Variants in ANKS1A observed in about 807,000 individuals in gnomAD.
The protein encoded by ANKS1A is ankyrin repeat and sterile alpha motif domain containing 1A, also known as ankyrin repeat and SAM domain-containing protein 1A.
Under a neutral mutation model 120.3 loss-of-function variants are expected in ANKS1A, and 55 were observed. The ratio of observed to expected loss-of-function variants is 0.46; its 90% CI spans 0.37 to 0.57. The LOEUF (loss-of-function observed/expected upper bound fraction) is 0.57. Ranked by LOEUF, ANKS1A falls within the 20% of genes least tolerant of loss-of-function variation. ANKS1A has a pLI of 0.00. For synonymous variants in ANKS1A, 590 were observed against 604.7 expected (o/e 0.98, Z 0.36); for missense variants, 1,123 against 1,480.3 (o/e 0.76, Z 3.96).
chr6:35,003,566 G>T (rs551691539), intron 10 of ANKS1A, among the ~76,000 whole-genome samples: 1 of 152,252 alleles, frequency 6.6e-6, no homozygotes, highest in South Asian at 2.1e-4. Context: ...TTAGAAATTG[G>T]TTCCCAGCAC....
chr6:34,898,872 A>G (rs1767219002), intron 1 of ANKS1A, among the ~76,000 whole-genome samples: 1 of 152,170 alleles, frequency 6.6e-6, no homozygotes, highest in African/African-American at 2.4e-5. Context: ...TATGAATTGT[A>G]ATTAATTTAA....
In ANKS1A at chr6:35,017,746, T is replaced by C; in HGVS notation, c.1697T>C (p.Val566Ala). Residue 566 changes from valine (V) to alanine (A), a missense_variant, in exon 11 of 24, where the codon GTG (valine) becomes GCG (alanine). Physicochemically the swap from Val to Ala is moderately conservative, Grantham distance 64. Coordinates refer to ENST00000360359, the MANE Select transcript of ANKS1A (RefSeq NM_015245.3). Reference sequence around the variant, plus strand: ...AGTGCCCTGGACCAGAGCAAGAGAGTGGGCTACCTCACAGGCCTGCCCACC... The same window carrying C: ...AGTGCCCTGGACCAGAGCAAGAGAGCGGGCTACCTCACAGGCCTGCCCACC... ...QPSALDQSKR[V>A]GYLTGLPTTN... is the part of the protein sequence containing the mutation. The C allele has an allele frequency of 1.2e-6, 2 of 1,613,796 alleles. No homozygotes were observed. The highest frequency in any genetic ancestry group is 1.3e-5 in the African/African-American group (1 of 74,912).
At chr6:35,062,366 A>G (rs1351698837) in intron 13 of ANKS1A, among the ~76,000 whole-genome samples, 1 of 152,246 alleles carries the variant, frequency 6.6e-6, no homozygotes, top group African/African-American at 2.4e-5. Context: ...ATGTTTTAAC[A>G]GCCTAAAAAA....
intron 10 of ANKS1A, among the ~76,000 whole-genome samples, chr6:35,008,919 C>A (rs1327167877): frequency 6.6e-6 from 1 of 152,074 alleles, no homozygotes; most frequent in East Asian, 1.9e-4. Context: ...GCATTCCAGG[C>A]AGGAGGAGTG....
chr6:34,901,666 A>G (rs1767357008), intron 1 of ANKS1A, among the ~76,000 whole-genome samples: 1 of 152,154 alleles, frequency 6.6e-6, no homozygotes, highest in Non-Finnish European at 1.5e-5. Flanking sequence ...TCATGACACC[A>G]TGCCCGGTTA....
At chr6:34,900,302 C>T (rs1168174787) in intron 1 of ANKS1A, among the ~76,000 whole-genome samples, 1 of 152,274 alleles carries the variant, frequency 6.6e-6, no homozygotes, top group East Asian at 1.9e-4. Context: ...CTTAAGCGAC[C>T]ACTTACTATA....
At chr6:34,911,011 A>T (rs923912231) in intron 1 of ANKS1A, among the ~76,000 whole-genome samples, 3 of 152,142 alleles carry the variant, frequency 2.0e-5, no homozygotes, top group South Asian at 2.1e-4. Flanking sequence ...TTCCCTCTCT[A>T]GTAGAAGGGT....
At position 35,082,582 on chromosome 6, in the gene ANKS1A, C is replaced by T; in HGVS notation, c.2710-109C>T. 1 of 1,418,058 alleles carries T rather than the reference C, an allele frequency of 7.1e-7. No individual in the cohort carries two copies. The highest frequency in any genetic ancestry group is 9.4e-7 in the Non-Finnish European group (1 of 1,067,842). The allele number at this position is 1,418,058 out of a possible 1,614,324, so 87.8% of individuals were successfully genotyped here. A position where few individuals can be genotyped will look rare whatever the true frequency, so the allele number is the denominator to read the frequency against. On this transcript the variant is annotated intron_variant, in intron 17 of 23. Transcript: ENST00000360359. The surrounding 1 kb of genome is among the most constrained non-coding windows in gnomAD (Gnocchi z 4.1). ...CTGCCATCTCCACTCGACCCTTGAA[C>T]TTGCTAAGGTCACTGGCATCTTCAC...
At position 35,084,492 on chromosome 6, in the gene ANKS1A, C is replaced by CTT. The variant is rs11458954; in HGVS notation, c.3132+250_3132+251dup. Among the ~76,000 whole-genome samples, 51,367 of 138,408 alleles carry CTT rather than the reference C, an allele frequency of 0.37. 11,638 individuals carry two copies. Among genetic ancestry groups the CTT allele is most frequent in the Middle Eastern group, 0.49 (132 of 270 alleles). 90.8% of individuals were successfully genotyped at this position (138,408 alleles called of 152,430 possible). A position where few individuals can be genotyped will look rare whatever the true frequency, so the allele number is the denominator to read the frequency against. ...GGGCACTAGGGACAGGAGGTTCCAGCTTTTTTTTTTTTTTTTTAAGAGATG... is the reference window on the plus strand; with the variant it reads ...GGGCACTAGGGACAGGAGGTTCCAGCTTTTTTTTTTTTTTTTTTTAAGAGATG... On this transcript the variant is annotated intron_variant, in intron 21 of 23. Coordinates refer to ENST00000360359, the MANE Select transcript of ANKS1A (RefSeq NM_015245.3). The surrounding 1 kb of genome is among the most constrained non-coding windows in gnomAD (Gnocchi z 4.8).
At chr6:35,025,800 A>G (rs1410545648) in intron 11 of ANKS1A, among the ~76,000 whole-genome samples, 1 of 150,426 alleles carries the variant, frequency 6.6e-6, no homozygotes, top group African/African-American at 2.5e-5. Context: ...TCTTTTTAAC[A>G]TTTTTTCCAG....
intron 1 of ANKS1A, among the ~76,000 whole-genome samples, chr6:34,943,738 G>T (rs188178657): frequency 6.6e-6 from 1 of 152,060 alleles, no homozygotes; most frequent in African/African-American, 2.4e-5. Context: ...AAGATTTCTC[G>T]AAGTCTTTTT....
At chr6:34,995,210 A>T (rs534345895) in intron 10 of ANKS1A, among the ~76,000 whole-genome samples, 1 of 152,312 alleles carries the variant, frequency 6.6e-6, no homozygotes, top group African/African-American at 2.4e-5. Context: ...AGAGGATGAG[A>T]TGGTTTCCTT....
chr6:35,082,630 C>G lies in ANKS1A; in HGVS notation c.2710-61C>G. On this transcript the variant is annotated intron_variant, in intron 17 of 23. Transcript: ENST00000360359. The surrounding 1 kb of genome is among the most constrained non-coding windows in gnomAD (Gnocchi z 4.1). Reference sequence around the variant, plus strand: ...CACCCTTGAGTGTGCTGGAGCCAGGCAGCAAGCCCATGTGCTCCTCTGGAG... The same window carrying G: ...CACCCTTGAGTGTGCTGGAGCCAGGGAGCAAGCCCATGTGCTCCTCTGGAG... 6.5e-7 allele frequency: 1 copy of G among 1,538,686 alleles called. No individual in the cohort carries two copies. Among genetic ancestry groups the G allele is most frequent in the Non-Finnish European group, 8.8e-7 (1 of 1,141,548 alleles).
chr6:34,905,559 T>A (rs1442981396), intron 1 of ANKS1A, among the ~76,000 whole-genome samples: 2 of 152,248 alleles, frequency 1.3e-5, no homozygotes. Flanking sequence ...CTTCACAACA[T>A]GCCTGCAAGA....
intron 10 of ANKS1A, among the ~76,000 whole-genome samples, chr6:35,008,754 A>G (rs928794109): frequency 6.6e-6 from 1 of 152,244 alleles, no homozygotes; most frequent in South Asian, 2.1e-4. Flanking sequence ...AGATGACAGA[A>G]TATGTTAAAT....
At chr6:34,939,132 A>C (rs1255493249) in intron 1 of ANKS1A, among the ~76,000 whole-genome samples, 2 of 152,208 alleles carry the variant, frequency 1.3e-5, no homozygotes, top group African/African-American at 4.8e-5. Flanking sequence ...TAGAGCACTG[A>C]TTTTAGGTTC....
At chr6:34,923,338 G>C (rs1352213684) in intron 1 of ANKS1A, among the ~76,000 whole-genome samples, 1 of 152,194 alleles carries the variant, frequency 6.6e-6, no homozygotes, top group Non-Finnish European at 1.5e-5. Context: ...GTTGAAATAA[G>C]GTAGGTTGAG....
At chr6:35,056,769 C>T (rs527492299) in intron 12 of ANKS1A, among the ~76,000 whole-genome samples, 9 of 152,250 alleles carry the variant, frequency 5.9e-5, no homozygotes, top group Non-Finnish European at 1.2e-4. Flanking sequence ...ACCTAAACAG[C>T]GGGTTCATCC....
chr6:35,080,171 A>G (rs1011709016), intron 16 of ANKS1A, among the ~76,000 whole-genome samples: 8 of 152,126 alleles, frequency 5.3e-5, no homozygotes, highest in African/African-American at 1.9e-4. Context: ...ATGGCTGGGT[A>G]TTGAACTCAG....
Sources: gnomAD v4.1 joint callset for allele counts (sites outside exome capture counted in the v4.1 genomes callset) on GRCh38, gnomAD v4.1.1 for gene constraint, Gnocchi (gnomAD v3.1) non-coding constraint, MANE v1.5 for transcripts, NCBI Gene and HGNC (gene_info 2026-07-23, HGNC 2026-07-21) for gene names.